The following TAOK3 variants were observed in gnomAD, a reference collection of about 807,000 sequenced individuals.
TAOK3 encodes the protein serine/threonine-protein kinase TAO3.
TAOK3 carries 40 observed loss-of-function variants against 120.4 expected under a neutral mutation model. The observed-to-expected ratio is 0.33, with a 90% CI of 0.26 to 0.43. The LOEUF (loss-of-function observed/expected upper bound fraction) is 0.43, where lower values mean the gene tolerates loss of function less well. Ranked by LOEUF, TAOK3 falls within the 20% of genes least tolerant of loss-of-function variation. TAOK3 has a pLI of 1.00. For missense variants in TAOK3, 821 were observed against 1,112.1 expected (o/e 0.74, Z 3.72); for synonymous variants, 355 against 387.5 (o/e 0.92, Z 0.99).
chr12:118,285,621 G>A (rs1020491790), intron 1 of TAOK3, among the ~76,000 whole-genome samples: 1 of 152,188 alleles, frequency 6.6e-6, no homozygotes, highest in African/African-American at 2.4e-5. Context: ...CCAAAGTGCT[G>A]GGATTACAGG....
At position 118,245,005 on chromosome 12, in the gene TAOK3, G is replaced by C. The variant is rs1260742128; in HGVS notation, c.121-40C>G. ...TAGAAGAAAAAGAAAAAGAATTAGT[G>C]ATGTTTCAGCCAATTTAACTTAAAT... On this transcript the variant is annotated intron_variant, in intron 3 of 20. Transcript: ENST00000392533. 4.4e-6 allele frequency: 6 copies of C among 1,376,198 alleles called. No homozygotes were observed. In the African/African-American group the frequency reaches 7.2e-5, roughly 17 times the overall value. 85.2% of individuals were successfully genotyped at this position (1,376,198 alleles called of 1,614,324 possible).
rs368179888 is a variant in TAOK3 at position 118,298,614 on chromosome 12, G to C, written c.-193-31855C>G. Among the ~76,000 whole-genome samples the C allele has an allele frequency of 3.8e-4, 58 of 152,248 alleles. 1 individual carries two copies. In the South Asian group the frequency reaches 8.1e-3, roughly 21 times the overall value. ...GGTTCAAAAAGAGTTGGATAGAAGT[G>C]AAGATGATATGTTATGGGGGAAAAA... On this transcript the variant is annotated intron_variant, in intron 1 of 20. Transcript: ENST00000392533.
At chr12:118,207,329 GAAA>G (rs200606908) in intron 11 of TAOK3, among the ~76,000 whole-genome samples, 1 of 104,928 alleles carries the variant, frequency 9.5e-6, no homozygotes, top group Admixed American at 9.4e-5. Context: ...TCCGTCTCAG[GAAA>G]AAAAAAAAAA....
At chr12:118,275,158 G>A (rs963455660) in intron 1 of TAOK3, among the ~76,000 whole-genome samples, 5 of 152,010 alleles carry the variant, frequency 3.3e-5, no homozygotes, top group Admixed American at 6.6e-5. Flanking sequence ...TAGAGAGACA[G>A]GGTATTATAT....
chr12:118,198,268 T>A (rs2139224523), intron 13 of TAOK3: 1 of 152,222 alleles, frequency 6.6e-6, no homozygotes, highest in Non-Finnish European at 1.5e-5. Flanking sequence ...CCCAGCTGGC[T>A]AGCTTCTATT....
At chr12:118,319,898 A>G (rs2043630916) in intron 1 of TAOK3, among the ~76,000 whole-genome samples, 1 of 152,234 alleles carries the variant, frequency 6.6e-6, no homozygotes. Context: ...TTGTATGCCA[A>G]TGTTCATACC....
chr12:118,152,797 T>G, intron 19 of TAOK3: 1 of 167,566 alleles, frequency 6.0e-6, no homozygotes. Flanking sequence ...ACAAGAATAG[T>G]TCCTATTGCC....
chr12:118,162,983 A>G (rs531155795), intron 17 of TAOK3, among the ~76,000 whole-genome samples: 11 of 152,346 alleles, frequency 7.2e-5, no homozygotes, highest in African/African-American at 2.4e-4. Context: ...CTGACACTCC[A>G]ACAGGGAAGT....
intron 1 of TAOK3, among the ~76,000 whole-genome samples, chr12:118,320,783 T>C (rs1335266371): frequency 6.6e-6 from 1 of 152,158 alleles, no homozygotes; most frequent in African/African-American, 2.4e-5. Context: ...AAGCTGAATA[T>C]TTTAGAGTCA....
intron 12 of TAOK3, 102 bp from the exon 13 acceptor site, chr12:118,199,359 C>A: frequency 1.1e-6 from 1 of 891,312 alleles, no homozygotes. Context: ...TGTCAAGTTG[C>A]TTTTCTGCCA....
At chr12:118,342,861 G>T (rs993624861) in intron 1 of TAOK3, among the ~76,000 whole-genome samples, 1 of 150,738 alleles carries the variant, frequency 6.6e-6, no homozygotes, top group East Asian at 2.0e-4. Context: ...TTGCATCTGG[G>T]AGGCCAAGGT....
intron 16 of TAOK3, among the ~76,000 whole-genome samples, chr12:118,173,719 GA>G (rs1243630729): frequency 6.6e-6 from 1 of 152,214 alleles, no homozygotes; most frequent in East Asian, 1.9e-4. Flanking sequence ...ACAAAGCAGT[GA>G]ATCAGGACTG....
intron 17 of TAOK3, among the ~76,000 whole-genome samples, chr12:118,168,917 G>A (rs1015127728): frequency 6.6e-6 from 1 of 151,990 alleles, no homozygotes; most frequent in East Asian, 1.9e-4. Flanking sequence ...TTTGACTTCT[G>A]ACAAACTCAA....
chr12:118,249,023 G>T (rs958879223), intron 3 of TAOK3, among the ~76,000 whole-genome samples: 1 of 151,930 alleles, frequency 6.6e-6, no homozygotes, highest in African/African-American at 2.4e-5. Flanking sequence ...AGTATCAATG[G>T]GGTCTCAGCT....
rs765782936 is a variant in TAOK3, at chr12:118,244,882, T to C, written c.192+12A>G. The C allele has an allele frequency of 6.3e-7, 1 of 1,590,654 alleles. No individual in the cohort carries two copies. Among genetic ancestry groups the C allele is most frequent in the South Asian group, 1.1e-5 (1 of 90,558 alleles). ...TTATTTCAGTTTAGGTATACAACTG[T>C]CTCTATCTCACCTCATGGGTCTGCT... On this transcript the variant is annotated intron_variant, in intron 4 of 20. Transcript: ENST00000392533.
chr12:118,186,673 C>T (rs1565917356), intron 14 of TAOK3, among the ~76,000 whole-genome samples: 1 of 152,142 alleles, frequency 6.6e-6, no homozygotes, highest in South Asian at 2.1e-4. Flanking sequence ...CATGAAATAC[C>T]CTTCCTTTTC....
Position 118,291,151 on chromosome 12 carries a change from C to T in TAOK3, c.-193-24392G>A, listed in dbSNP as rs557164293. Among the ~76,000 whole-genome samples the T allele has an allele frequency of 3.0e-3, 452 of 150,740 alleles. 4 individuals are homozygous for T. The highest frequency in any genetic ancestry group is 0.011 in the African/African-American group (437 of 41,092). ...GATTACAGGAGTGAGCCACCGCGCC[C>T]GGCCGGGTTTTTACTTTTTTTTGAG... On this transcript the variant is annotated intron_variant, in intron 1 of 20. Coordinates refer to ENST00000392533, the MANE Select transcript of TAOK3 (RefSeq NM_016281.4).
intron 11 of TAOK3, among the ~76,000 whole-genome samples, chr12:118,207,858 T>TCACACACACACACACACACACA (rs55978716): frequency 0.014 from 2,028 of 144,372 alleles, 20 homozygotes; most frequent in Non-Finnish European, 0.021. Context: ...AGACTCTGTC[T>TCACACACACACACACACACACA]CACACACACA....
intron 9 of TAOK3, among the ~76,000 whole-genome samples, chr12:118,217,398 T>C (rs1476338732): frequency 6.6e-6 from 1 of 152,046 alleles, no homozygotes; most frequent in Non-Finnish European, 1.5e-5. Flanking sequence ...TGAAATACAG[T>C]AGTCTAGGCC....
Sources: gnomAD v4.1 joint callset for allele counts (sites outside exome capture counted in the v4.1 genomes callset) on GRCh38, gnomAD v4.1.1 for gene constraint, MANE v1.5 for transcripts, NCBI Gene and HGNC (gene_info 2026-07-23, HGNC 2026-07-21) for gene names.